The following LRP1B variants were observed in gnomAD, a reference collection of about 807,000 sequenced individuals.
LRP1B encodes LDL receptor related protein 1B.
Under a neutral mutation model 556.6 loss-of-function variants are expected in LRP1B, and 217 were observed. That is an observed-to-expected ratio of 0.39 (90% CI 0.35 to 0.44). LRP1B has a LOEUF of 0.44. Ranked by LOEUF, LRP1B falls within the 20% of genes least tolerant of loss-of-function variation. LRP1B has a pLI of 1.00. For missense variants in LRP1B, 5,053 were observed against 5,620.8 expected (o/e 0.90, Z 3.23); for synonymous variants, 2,047 against 1,865.8 (o/e 1.10, Z -2.50).
intron 66 of LRP1B, among the ~76,000 whole-genome samples, chr2:140,409,912 A>G (rs918754976): frequency 2.6e-5 from 4 of 152,020 alleles, no homozygotes; most frequent in African/African-American, 9.7e-5. Context: ...TTACACTAAG[A>G]CCTCAGTTTT....
intron 2 of LRP1B, among the ~76,000 whole-genome samples, chr2:141,761,747 A>C (rs1226020868): frequency 5.9e-5 from 9 of 152,180 alleles, no homozygotes; most frequent in Admixed American, 5.9e-4. Flanking sequence ...AAAATGCCAA[A>C]AACCCAGCTT....
At chr2:142,018,582 TTC>T (rs1703226513) in intron 1 of LRP1B, among the ~76,000 whole-genome samples, 1 of 152,138 alleles carries the variant, frequency 6.6e-6, no homozygotes, top group South Asian at 2.1e-4. Context: ...TACCATAGCT[TTC>T]TGTTTTTGCC....
intron 41 of LRP1B, among the ~76,000 whole-genome samples, chr2:140,631,318 G>A (rs549214990): frequency 6.6e-6 from 1 of 152,294 alleles, no homozygotes; most frequent in South Asian, 2.1e-4. Flanking sequence ...AACAAAGCAT[G>A]CATCAGAACT....
At chr2:140,613,095 C>A (rs1212221630) in intron 41 of LRP1B, among the ~76,000 whole-genome samples, 1 of 150,878 alleles carries the variant, frequency 6.6e-6, no homozygotes, top group Non-Finnish European at 1.5e-5. Context: ...ATGTAGTCAG[C>A]AGACTATTGT....
chr2:141,538,385 G>T (rs773589251), intron 2 of LRP1B, among the ~76,000 whole-genome samples: 1 of 152,102 alleles, frequency 6.6e-6, no homozygotes, highest in Non-Finnish European at 1.5e-5. Context: ...ATGGTAAAGT[G>T]CAAAGCTTTA....
At chr2:142,077,728 G>T (rs566077153) in intron 1 of LRP1B, among the ~76,000 whole-genome samples, 1 of 152,124 alleles carries the variant, frequency 6.6e-6, no homozygotes, top group South Asian at 2.1e-4. Context: ...GTTCGCTGCA[G>T]GATTTCACAA....
At chr2:141,963,515 C>T (rs1464261852) in intron 1 of LRP1B, among the ~76,000 whole-genome samples, 2 of 151,612 alleles carry the variant, frequency 1.3e-5, no homozygotes, top group Non-Finnish European at 2.9e-5. Context: ...TCAATAGATG[C>T]AGAAAAAGCC....
Position 140,716,107 on chromosome 2 carries a change from G to C in LRP1B, c.5894-5C>G, listed in dbSNP as rs778054843. On this transcript the variant is annotated splice_polypyrimidine_tract_variant and splice_region_variant and intron_variant, in intron 36 of 90. Transcript: ENST00000389484. Reference sequence around the variant, plus strand: ...GATCTGTCCAATATATGTTACCTAGGAGAAATAATAGAGGTGTTTATAATA... The same window carrying C: ...GATCTGTCCAATATATGTTACCTAGCAGAAATAATAGAGGTGTTTATAATA... 3.2e-6 allele frequency: 5 copies of C among 1,578,158 alleles called. No homozygotes were observed. The highest frequency in any genetic ancestry group is 4.3e-6 in the Non-Finnish European group (5 of 1,156,240).
intron 3 of LRP1B, among the ~76,000 whole-genome samples, chr2:141,460,820 A>T (rs1681838885): frequency 6.6e-6 from 1 of 152,130 alleles, no homozygotes; most frequent in Non-Finnish European, 1.5e-5. Flanking sequence ...AAAGTCAGGG[A>T]TCTCTGTAAT....
At position 140,495,611 on chromosome 2, in the gene LRP1B, C is replaced by T. The variant is rs2104873089; in HGVS notation, c.8988G>A (p.Gly2996=). The T allele has an allele frequency of 6.2e-7, 1 of 1,606,412 alleles. No individual in the cohort carries two copies. The highest frequency in any genetic ancestry group is 8.5e-7 in the Non-Finnish European group (1 of 1,174,396). ...TTGGGTTATCAGGTTGTATTTCATACCCATCTGTACAGAGGCACTTGTAAG... is the reference window on the plus strand; with the variant it reads ...TTGGGTTATCAGGTTGTATTTCATATCCATCTGTACAGAGGCACTTGTAAG... ...YGTYKCLCTD[G]YEIQPDNPNG... The change falls in exon 56 of 91, where the codon GGG becomes GGA. Residue 2996 remains glycine, a synonymous_variant. Transcript: ENST00000389484.
At chr2:141,865,003 T>A (rs968122226) in intron 1 of LRP1B, among the ~76,000 whole-genome samples, 3 of 152,174 alleles carry the variant, frequency 2.0e-5, no homozygotes, top group African/African-American at 2.4e-5. Context: ...TGTTTATAGG[T>A]CACTTTCTTT....
At chr2:140,363,047 T>C (rs1313665606) in intron 72 of LRP1B, among the ~76,000 whole-genome samples, 2 of 151,694 alleles carry the variant, frequency 1.3e-5, no homozygotes, top group African/African-American at 4.8e-5. Flanking sequence ...CCTTCAACAC[T>C]GTAGCTTTCT....
At chr2:141,653,660 G>A (rs998155553) in intron 2 of LRP1B, among the ~76,000 whole-genome samples, 3 of 152,108 alleles carry the variant, frequency 2.0e-5, no homozygotes, top group Admixed American at 6.6e-5. Flanking sequence ...TATACGAGGT[G>A]GTTTTCATAG....
chr2:141,093,769 C>A (rs775538847), intron 7 of LRP1B, among the ~76,000 whole-genome samples: 4 of 152,042 alleles, frequency 2.6e-5, no homozygotes, highest in Admixed American at 2.6e-4. Flanking sequence ...GGCTGGAGTG[C>A]AGTGACGCAA....
chr2:140,312,305 G>A (rs1171308700), intron 83 of LRP1B, among the ~76,000 whole-genome samples: 1 of 151,930 alleles, frequency 6.6e-6, no homozygotes, highest in Non-Finnish European at 1.5e-5. Flanking sequence ...AGGAGTAGAA[G>A]AAAGTAATTG....
At chr2:141,344,498 T>C (rs1172940967) in intron 3 of LRP1B, among the ~76,000 whole-genome samples, 1 of 152,212 alleles carries the variant, frequency 6.6e-6, no homozygotes, top group Non-Finnish European at 1.5e-5. Flanking sequence ...TGGTTGGCTC[T>C]TCAAATATTG....
At chr2:142,124,652 C>A (rs1707575659) in intron 1 of LRP1B, among the ~76,000 whole-genome samples, 1 of 151,386 alleles carries the variant, frequency 6.6e-6, no homozygotes, top group Middle Eastern at 3.2e-3. Context: ...CAAATGAATT[C>A]AGAATACTTA....
intron 3 of LRP1B, among the ~76,000 whole-genome samples, chr2:141,272,983 C>T (rs1685143921): frequency 6.6e-6 from 1 of 152,166 alleles, no homozygotes; most frequent in African/African-American, 2.4e-5. Flanking sequence ...TTGACATCTA[C>T]AACATCTTGT....
chr2:140,333,466 G>A (rs563279838), intron 79 of LRP1B, among the ~76,000 whole-genome samples: 1 of 152,154 alleles, frequency 6.6e-6, no homozygotes, highest in Non-Finnish European at 1.5e-5. Context: ...ATTTGTTAAA[G>A]CATGGGATGA....
Sources: gnomAD v4.1 joint callset for allele counts (sites outside exome capture counted in the v4.1 genomes callset) on GRCh38, gnomAD v4.1.1 for gene constraint, MANE v1.5 for transcripts, NCBI Gene and HGNC (gene_info 2026-07-23, HGNC 2026-07-21) for gene names.